The following GARIN5B variants were observed in gnomAD, a reference collection of about 807,000 sequenced individuals.
The protein encoded by GARIN5B is Golgi-associated RAB2 interactor protein 5B.
At chr19:55,362,108 C>T in the GARIN5B span, 1 of 1,241,872 alleles carries the variant, frequency 8.1e-7, no homozygotes, top group Non-Finnish European at 1.1e-6. Context: ...GGGTCCAGGC[C>T]CCCAGCCCCT....
chr19:55,363,097 G>A, the GARIN5B span: 3 of 1,464,642 alleles, frequency 2.0e-6, no homozygotes, highest in African/African-American at 1.5e-5. The surrounding 1 kb of genome is among the most constrained non-coding windows in gnomAD (Gnocchi z 4.0). Flanking sequence ...ACTGGTTTAG[G>A]GACCCAGAAC....
the GARIN5B span, among the ~76,000 whole-genome samples, chr19:55,355,633 C>T: frequency 6.6e-6 from 1 of 152,204 alleles, no homozygotes; most frequent in African/African-American, 2.4e-5. Context: ...TCTCTCCCTC[C>T]TGCCTGGTTA....
At chr19:55,362,000 C>T in the GARIN5B span, among the ~76,000 whole-genome samples, 1 of 151,236 alleles carries the variant, frequency 6.6e-6, no homozygotes, top group Non-Finnish European at 1.5e-5. Flanking sequence ...GTCCAGGACC[C>T]CAGGCCCTTC....
the GARIN5B span, among the ~76,000 whole-genome samples, chr19:55,360,508 GACACAGAAGT>G: frequency 9.1e-6 from 1 of 109,502 alleles, no homozygotes. Flanking sequence ...TCCTCCCTCA[GACACAGAAGT>G]CCAGGCCGCA....
the GARIN5B span, chr19:55,359,472 G>C: frequency 7.1e-6 from 11 of 1,546,652 alleles, no homozygotes; most frequent in African/African-American, 2.8e-5. Context: ...GATGGAGCAG[G>C]TACGGCTGGG....
At chr19:55,362,277 C>A in the GARIN5B span, 1 of 1,544,764 alleles carries the variant, frequency 6.5e-7, no homozygotes, top group Non-Finnish European at 8.7e-7. Context: ...GGCGCTTCGG[C>A]CAGCGGCATA....
At chr19:55,362,496 G>T in the GARIN5B span, 15 of 1,543,694 alleles carry the variant, frequency 9.7e-6, no homozygotes, top group African/African-American at 1.4e-4. Context: ...AGGTCCAGGG[G>T]GATCATCCTG....
chr19:55,359,011 C>T, the GARIN5B span: 1 of 1,551,216 alleles, frequency 6.4e-7, no homozygotes, highest in Non-Finnish European at 8.7e-7. Context: ...TGTCCTTGGA[C>T]TCCTTCTTGG....
At chr19:55,360,036 C>T in the GARIN5B span, 1 of 1,478,936 alleles carries the variant, frequency 6.8e-7, no homozygotes, top group Non-Finnish European at 9.0e-7. Context: ...GACCCCAGAC[C>T]CGGGAGGGCA....
the GARIN5B span, chr19:55,361,262 G>A: frequency 1.3e-6 from 2 of 1,550,402 alleles, no homozygotes; most frequent in Non-Finnish European, 1.7e-6. Flanking sequence ...AGACATCCTG[G>A]GTCAGGGACC....
the GARIN5B span, among the ~76,000 whole-genome samples, chr19:55,361,906 G>C: frequency 0.61 from 52,022 of 84,926 alleles, 14,165 homozygotes; most frequent in East Asian, 0.79. Context: ...TAGCTCCTCC[G>C]TCAGACCCAG....
At chr19:55,360,893 G>A in the GARIN5B span, 1 of 1,544,024 alleles carries the variant, frequency 6.5e-7, no homozygotes, top group Non-Finnish European at 8.8e-7. Flanking sequence ...CGGGGCGGGG[G>A]TCTGAGTGGG....
At chr19:55,357,365 C>T in the GARIN5B span, among the ~76,000 whole-genome samples, 5 of 152,220 alleles carry the variant, frequency 3.3e-5, no homozygotes, top group Non-Finnish European at 7.3e-5. Flanking sequence ...AAATTGTCTG[C>T]AAAGTCCTCC....
At chr19:55,359,097 T>C in the GARIN5B span, 1 of 1,551,218 alleles carries the variant, frequency 6.4e-7, no homozygotes, top group East Asian at 2.4e-5. Flanking sequence ...GTGCGCACCG[T>C]CACCACCGGC....
the GARIN5B span, chr19:55,358,901 G>A: frequency 3.9e-5 from 60 of 1,550,456 alleles, no homozygotes; most frequent in Middle Eastern, 1.7e-4. Flanking sequence ...AGGCAGGTCC[G>A]GGGACCTCTC....
chr19:55,362,749 G>T, the GARIN5B span: 1 of 1,522,368 alleles, frequency 6.6e-7, no homozygotes, highest in South Asian at 1.2e-5. Flanking sequence ...CAGCCAGGGA[G>T]AGGGGGCTGG....
the GARIN5B span, chr19:55,355,093 G>A: frequency 2.4e-6 from 1 of 408,316 alleles, no homozygotes; most frequent in Admixed American, 3.7e-5. Flanking sequence ...GAACCCTCGG[G>A]GCCTGTGGGG....
At chr19:55,355,274 C>T in the GARIN5B span, 1 of 1,542,024 alleles carries the variant, frequency 6.5e-7, no homozygotes, top group Non-Finnish European at 8.8e-7. Flanking sequence ...CAGCGCTGGG[C>T]TCCTCTGGAC....
the GARIN5B span, among the ~76,000 whole-genome samples, chr19:55,361,782 A>G: frequency 0.43 from 4,373 of 10,240 alleles, 1,499 homozygotes; most frequent in Non-Finnish European, 0.46. Flanking sequence ...AGGAGTCCAG[A>G]CCCCACAGCC....
Sources: allele counts gnomAD v4.1 joint callset (sites outside exome capture counted in the v4.1 genomes callset), GRCh38; gene constraint gnomAD v4.1.1; non-coding constraint Gnocchi (gnomAD v3.1); transcripts MANE v1.5; gene names NCBI Gene and HGNC (gene_info 2026-07-23, HGNC 2026-07-21).